The following PPP1R9A variants were observed in gnomAD, a reference collection of about 807,000 sequenced individuals.
PPP1R9A encodes the protein protein phosphatase 1 regulatory subunit 9A.
In PPP1R9A, 59 loss-of-function variants were observed where a neutral mutation model predicts 141.9. That is an observed-to-expected ratio of 0.42 (90% CI 0.34 to 0.52). The LOEUF is 0.52. Ranked by LOEUF, PPP1R9A falls within the 20% of genes least tolerant of loss-of-function variation. PPP1R9A has a pLI of 0.10. For synonymous variants in PPP1R9A, 500 were observed against 569.7 expected (o/e 0.88, Z 1.74); for missense variants, 1,444 against 1,611.9 (o/e 0.90, Z 1.78).
Position 94,911,135 on chromosome 7 carries a change from G to A in PPP1R9A, c.1022G>A (p.Ser341Asn). 1 of 1,614,174 alleles carries A rather than the reference G, an allele frequency of 6.2e-7. No homozygotes were observed. The highest frequency in any genetic ancestry group is 8.5e-7 in the Non-Finnish European group (1 of 1,180,002). The part of the protein sequence containing the change: ...MPKSEIPSPQ[S>N]QLLEDAEANL... ...AAGTCCGAAATCCCTTCACCACAAAGCCAACTGTTAGAAGATGCTGAAGCT... is the reference window on the plus strand; with the variant it reads ...AAGTCCGAAATCCCTTCACCACAAAACCAACTGTTAGAAGATGCTGAAGCT... The change falls in exon 2 of 20, where the codon AGC becomes AAC. Residue 341 changes from serine (S) to asparagine (N), a missense_variant. Physicochemically the swap from Ser to Asn is conservative, Grantham distance 46. Around this residue, in one of 5 missense-constraint regions of PPP1R9A, gnomAD observed 490 missense variants for 521.1 expected, o/e 0.94. Transcript: ENST00000433360.
intron 2 of PPP1R9A, among the ~76,000 whole-genome samples, chr7:94,995,673 C>A (rs1263008659): frequency 6.6e-6 from 1 of 151,892 alleles, no homozygotes; most frequent in Non-Finnish European, 1.5e-5. Context: ...ATCTCCCATA[C>A]CTCTACTTAA....
At chr7:95,025,181 C>T (rs1338355021) in intron 2 of PPP1R9A, among the ~76,000 whole-genome samples, 3 of 152,046 alleles carry the variant, frequency 2.0e-5, no homozygotes, top group African/African-American at 7.2e-5. Flanking sequence ...ATTCTCCTGC[C>T]TCAGCCTCCC....
At chr7:94,978,224 C>T (rs1799697261) in intron 2 of PPP1R9A, among the ~76,000 whole-genome samples, 1 of 152,168 alleles carries the variant, frequency 6.6e-6, no homozygotes, top group South Asian at 2.1e-4. Flanking sequence ...TATAAGATAC[C>T]TAGCTAAGGA....
At chr7:94,967,659 G>A (rs1207195687) in intron 2 of PPP1R9A, among the ~76,000 whole-genome samples, 9 of 152,046 alleles carry the variant, frequency 5.9e-5, no homozygotes, top group Admixed American at 5.2e-4. Context: ...GTTTTGAGGT[G>A]GAGTCTTGCT....
At chr7:94,920,675 G>T (rs1384585625) in intron 2 of PPP1R9A, among the ~76,000 whole-genome samples, 1 of 152,150 alleles carries the variant, frequency 6.6e-6, no homozygotes, top group Non-Finnish European at 1.5e-5. Flanking sequence ...CTTCCAAGTT[G>T]TTTTCCATGC....
chr7:95,214,110 T>C (rs960576440), intron 7 of PPP1R9A: 1 of 152,192 alleles, frequency 6.6e-6, no homozygotes, highest in African/African-American at 2.4e-5. Context: ...TTTGGCAGCA[T>C]CCCTCTTCAA....
rs1478075674 is a variant in PPP1R9A at position 95,273,890 on chromosome 7, A to G, written c.3125-9A>G. ...TAATTGATCTTTTTCACAAATGTGT[A>G]TATCCTAGATGATGCCAAAGATCCC... is the stretch of plus-strand genomic sequence containing the variant. On this transcript the variant is annotated splice_polypyrimidine_tract_variant and intron_variant, in intron 14 of 19. Coordinates refer to ENST00000433360, the MANE Select transcript of PPP1R9A (RefSeq NM_001166160.2). 5 of 1,489,782 alleles carry G rather than the reference A, an allele frequency of 3.4e-6. No homozygotes were observed. Among genetic ancestry groups the G allele is most frequent in the Non-Finnish European group, 4.6e-6 (5 of 1,087,724 alleles). The allele number at this position is 1,489,782 out of a possible 1,614,324, so 92.3% of individuals were successfully genotyped here.
At chr7:95,173,350 G>C (rs1050558243) in intron 5 of PPP1R9A, among the ~76,000 whole-genome samples, 2 of 151,788 alleles carry the variant, frequency 1.3e-5, no homozygotes, top group Non-Finnish European at 2.9e-5. Flanking sequence ...TTAAGGTGAT[G>C]AGTATGCTAG....
intron 2 of PPP1R9A, among the ~76,000 whole-genome samples, chr7:94,915,006 T>C (rs550906498): frequency 8.6e-4 from 131 of 152,298 alleles, no homozygotes; most frequent in African/African-American, 3.0e-3. Flanking sequence ...TATTTTTTTT[T>C]CCCCTCAAAT....
intron 2 of PPP1R9A, among the ~76,000 whole-genome samples, chr7:95,092,527 G>T (rs924231901): frequency 1.3e-5 from 2 of 152,132 alleles, no homozygotes; most frequent in African/African-American, 4.8e-5. Context: ...ATCTTGAACA[G>T]CTGTTTGAAT....
chr7:95,243,496 T>C (rs779262022), intron 8 of PPP1R9A, among the ~76,000 whole-genome samples: 1 of 152,116 alleles, frequency 6.6e-6, no homozygotes, highest in Non-Finnish European at 1.5e-5. Context: ...GTCAGAATGC[T>C]CAGAGACTAC....
At chr7:95,073,624 G>GTTTT (rs36077129) in intron 2 of PPP1R9A, among the ~76,000 whole-genome samples, 33 of 105,552 alleles carry the variant, frequency 3.1e-4, no homozygotes, top group Middle Eastern at 6.7e-3. Context: ...AAAGAAATAA[G>GTTTT]TTTTTTTTTT....
At chr7:95,277,696 G>T (rs1350193322) in intron 16 of PPP1R9A, among the ~76,000 whole-genome samples, 2 of 152,134 alleles carry the variant, frequency 1.3e-5, no homozygotes, top group Non-Finnish European at 2.9e-5. Context: ...CAAAGTGCTG[G>T]GATTATAGGC....
At chr7:94,981,488 C>T (rs1165938003) in intron 2 of PPP1R9A, among the ~76,000 whole-genome samples, 2 of 152,186 alleles carry the variant, frequency 1.3e-5, no homozygotes, top group Non-Finnish European at 2.9e-5. Flanking sequence ...GAGCCTGCCT[C>T]AGCCTCCCAA....
chr7:94,940,197 T>C (rs1429743873), intron 2 of PPP1R9A, among the ~76,000 whole-genome samples: 2 of 152,076 alleles, frequency 1.3e-5, no homozygotes, highest in African/African-American at 4.8e-5. Context: ...TTTTATAACA[T>C]CTTGAGGAGG....
chr7:95,186,054 C>A (rs560964514), intron 5 of PPP1R9A, among the ~76,000 whole-genome samples: 3 of 150,680 alleles, frequency 2.0e-5, no homozygotes, highest in Non-Finnish European at 4.4e-5. Flanking sequence ...TTTTCTAGTT[C>A]TGTGAAGAAT....
At chr7:94,930,779 A>G (rs927900238) in intron 2 of PPP1R9A, among the ~76,000 whole-genome samples, 2 of 152,214 alleles carry the variant, frequency 1.3e-5, no homozygotes, top group Admixed American at 6.5e-5. Context: ...ATACAAAGAT[A>G]GAGACTTGCA....
intron 2 of PPP1R9A, among the ~76,000 whole-genome samples, chr7:94,977,132 A>C (rs371192469): frequency 1.3e-5 from 2 of 152,274 alleles, no homozygotes; most frequent in East Asian, 3.9e-4. Flanking sequence ...GGGATCAAGG[A>C]TATGGTTTTT....
intron 6 of PPP1R9A, among the ~76,000 whole-genome samples, chr7:95,199,504 G>A (rs1469703048): frequency 6.6e-6 from 1 of 152,092 alleles, no homozygotes; most frequent in Non-Finnish European, 1.5e-5. Context: ...TTTAATCTGA[G>A]ATGTTTTAAT....
Sources: gnomAD v4.1 joint callset for allele counts (sites outside exome capture counted in the v4.1 genomes callset) on GRCh38, gnomAD v4.1.1 for gene constraint, gnomAD v4.1.1 regional missense constraint, MANE v1.5 for transcripts, NCBI Gene and HGNC (gene_info 2026-07-23, HGNC 2026-07-21) for gene names.